Variants in AKAP6 observed in about 807,000 individuals in gnomAD.
The protein encoded by AKAP6 is A-kinase anchor protein 6.
AKAP6 carries 58 observed loss-of-function variants against 188.5 expected under a neutral mutation model. That is an observed-to-expected ratio of 0.31 (90% CI 0.25 to 0.38). The LOEUF (loss-of-function observed/expected upper bound fraction) is 0.38, where lower values mean the gene tolerates loss of function less well. AKAP6 is among the 10% of genes least tolerant of loss of function. The pLI, the probability that AKAP6 is intolerant of heterozygous loss-of-function variation, is 1.00. For synonymous variants in AKAP6, 989 were observed against 998.6 expected (o/e 0.99, Z 0.18); for missense variants, 2,710 against 2,740.0 (o/e 0.99, Z 0.24).
intron 9 of AKAP6, among the ~76,000 whole-genome samples, chr14:32,720,778 A>G (rs1303000101): frequency 6.6e-6 from 1 of 152,126 alleles, no homozygotes; most frequent in Non-Finnish European, 1.5e-5. Context: ...CCAGGAACTC[A>G]AGGCTATAGT....
intron 5 of AKAP6, among the ~76,000 whole-genome samples, chr14:32,584,728 A>G (rs772815518): frequency 2.0e-5 from 3 of 152,178 alleles, no homozygotes; most frequent in Non-Finnish European, 4.4e-5. Flanking sequence ...TTTTATATAA[A>G]TTTAATAAAA....
chr14:32,781,736 G>A (rs1351904988), intron 12 of AKAP6, among the ~76,000 whole-genome samples: 4 of 152,248 alleles, frequency 2.6e-5, no homozygotes, highest in South Asian at 2.1e-4. Context: ...CTAGAAATAC[G>A]TAGTTTCATA....
Position 32,678,894 on chromosome 14 carries a change from A to C in AKAP6, c.2879+435A>C, listed in dbSNP as rs960052808. Among the ~76,000 whole-genome samples the C allele has an allele frequency of 3.3e-5, 5 of 152,326 alleles. No homozygotes were observed. The South Asian group carries it at 1.0e-3, about 32-fold the overall frequency. ...TCCTGAATAGTGTAGAAATTTAATA[A>C]TTGTTTAGAGACCATGGGCTAGCCA... is the stretch of plus-strand genomic sequence containing the variant. On this transcript the variant is annotated intron_variant, in intron 8 of 13. Transcript: ENST00000280979.
intron 1 of AKAP6, among the ~76,000 whole-genome samples, chr14:32,349,275 T>C (rs370895158): frequency 6.6e-6 from 1 of 151,460 alleles, no homozygotes; most frequent in African/African-American, 2.4e-5. Flanking sequence ...GAGTTTTTTT[T>C]CTTTTCTTTT....
intron 2 of AKAP6, among the ~76,000 whole-genome samples, chr14:32,493,298 C>T (rs1880136701): frequency 6.6e-6 from 1 of 152,034 alleles, no homozygotes; most frequent in African/African-American, 2.4e-5. Flanking sequence ...CCTTGACTTC[C>T]AGGGCTTGGG....
chr14:32,820,072 T>C (rs2034481069), intron 12 of AKAP6, among the ~76,000 whole-genome samples: 1 of 152,094 alleles, frequency 6.6e-6, no homozygotes, highest in Non-Finnish European at 1.5e-5. Flanking sequence ...GCTATCCCCA[T>C]TTTACAGGCA....
In AKAP6 at chr14:32,830,097, C is replaced by CA. The variant is rs2034790569; in HGVS notation, c.*292_*293insA. On this transcript the variant is annotated 3_prime_UTR_variant, in exon 14 of 14. Transcript: ENST00000280979. ...TCCTGTCCCAAGCTACCTCTACCAA[C>CA]CCTCTCTCTCCAGCTAGACTTTTCT... 1.6e-6 allele frequency: 1 copy of CA among 624,872 alleles called. No individual in the cohort carries two copies. The highest frequency in any genetic ancestry group is 2.4e-5 in the Admixed American group (1 of 41,190). 38.7% of individuals were successfully genotyped at this position (624,872 alleles called of 1,614,324 possible).
chr14:32,465,570 C>T (rs1878364564), intron 2 of AKAP6, among the ~76,000 whole-genome samples: 2 of 152,182 alleles, frequency 1.3e-5, no homozygotes, highest in Admixed American at 1.3e-4. Flanking sequence ...CTTCCTTACA[C>T]CTCATACAAA....
At chr14:32,660,936 C>CG (rs1254011086) in intron 7 of AKAP6, among the ~76,000 whole-genome samples, 1 of 43,942 alleles carries the variant, frequency 2.3e-5, no homozygotes, top group Non-Finnish European at 4.0e-5. Context: ...CCCCCCCCCT[C>CG]CCAATTCCAG....
At chr14:32,433,280 T>C in intron 1 of AKAP6, 180 bp from the exon 2 acceptor site, 1 of 529,056 alleles carries the variant, frequency 1.9e-6, no homozygotes, top group Non-Finnish European at 3.4e-6. Context: ...TATTATTTCC[T>C]GGCTCTTGGG....
At chr14:32,454,951 CCT>C (rs1249538968) in intron 2 of AKAP6, among the ~76,000 whole-genome samples, 1 of 137,448 alleles carries the variant, frequency 7.3e-6, no homozygotes, top group Non-Finnish European at 1.5e-5. Flanking sequence ...TTCCTCTCTT[CCT>C]CTGTTTCTCC....
chr14:32,447,818 GT>G lies in AKAP6; in HGVS notation c.324+14002del, dbSNP rs1242704155. Among the ~76,000 whole-genome samples, 5 of 152,206 alleles carry G rather than the reference GT, an allele frequency of 3.3e-5. 1 individual carries two copies. The highest frequency in any genetic ancestry group is 1.3e-4 in the Admixed American group (2 of 15,286). ...CCATTATCTGTCCAAATGAGAGGAT[GT>G]GCTCACTCATGGCCTTCTCTCTAAC... On this transcript the variant is annotated intron_variant, in intron 2 of 13. Transcript: ENST00000280979.
intron 12 of AKAP6, among the ~76,000 whole-genome samples, chr14:32,812,552 A>G (rs879686806): frequency 6.6e-6 from 1 of 152,226 alleles, no homozygotes; most frequent in Non-Finnish European, 1.5e-5. Flanking sequence ...GTTGACATGT[A>G]AAGCAACAGT....
rs1246843057 is a variant in AKAP6, at chr14:32,503,223, A to T, written c.325-32331A>T. 2.6e-5 allele frequency among the ~76,000 whole-genome samples: 4 copies of T among 152,160 alleles called. No homozygotes were observed. In the East Asian group the frequency reaches 7.7e-4, roughly 29 times the overall value. Reference sequence around the variant, plus strand: ...CATATGTTTAACGATCATTTGTGTTACTTGTTCTATGAACTGTGCTCATAT... The same window carrying T: ...CATATGTTTAACGATCATTTGTGTTTCTTGTTCTATGAACTGTGCTCATAT... On this transcript the variant is annotated intron_variant, in intron 2 of 13. Transcript: ENST00000280979.
At chr14:32,527,370 A>G (rs201582735) in intron 2 of AKAP6, among the ~76,000 whole-genome samples, 7 of 39,566 alleles carry the variant, frequency 1.8e-4, no homozygotes, top group Non-Finnish European at 2.8e-4. Context: ...AGTTTTGGCA[A>G]TCCTTGGTTG....
chr14:32,510,842 T>TG (rs1220472834), intron 2 of AKAP6, among the ~76,000 whole-genome samples: 4 of 152,156 alleles, frequency 2.6e-5, no homozygotes, highest in Non-Finnish European at 5.9e-5. Flanking sequence ...GTGAAATCTC[T>TG]GGAGTCATGC....
At chr14:32,370,881 C>G (rs1364234777) in intron 1 of AKAP6, among the ~76,000 whole-genome samples, 1 of 152,142 alleles carries the variant, frequency 6.6e-6, no homozygotes, top group African/African-American at 2.4e-5. Flanking sequence ...TTGCTCTTTC[C>G]TTGTGTAAGA....
In AKAP6 at chr14:32,491,081, C is replaced by A. The variant is rs150463678; in HGVS notation, c.325-44473C>A. ...CTGGCTGTGGCATCTGTCACCCCACCAATCTCAGATTAATTCTGATCATCT... is the reference window on the plus strand; with the variant it reads ...CTGGCTGTGGCATCTGTCACCCCACAAATCTCAGATTAATTCTGATCATCT... On this transcript the variant is annotated intron_variant, in intron 2 of 13. Transcript: ENST00000280979. Among the ~76,000 whole-genome samples the A allele has an allele frequency of 2.8e-3, 427 of 152,272 alleles. 6 individuals carry two copies. The highest frequency in any genetic ancestry group is 8.8e-3 in the African/African-American group (364 of 41,544).
chr14:32,559,333 G>A (rs1883828380), intron 4 of AKAP6, among the ~76,000 whole-genome samples: 1 of 152,200 alleles, frequency 6.6e-6, no homozygotes, highest in African/African-American at 2.4e-5. Flanking sequence ...GCTGATAGTT[G>A]CATGGGAATG....
Sources: gnomAD v4.1 joint callset for allele counts (sites outside exome capture counted in the v4.1 genomes callset) on GRCh38, gnomAD v4.1.1 for gene constraint, MANE v1.5 for transcripts, NCBI Gene and HGNC (gene_info 2026-07-23, HGNC 2026-07-21) for gene names.